The following NPAS3 variants were observed in gnomAD, a reference collection of about 807,000 sequenced individuals.
The protein encoded by NPAS3 is neuronal PAS domain-containing protein 3.
A neutral mutation model predicts 73.1 loss-of-function variants in NPAS3; 14 were observed. The ratio of observed to expected loss-of-function variants is 0.19; its 90% CI spans 0.13 to 0.30. The LOEUF (loss-of-function observed/expected upper bound fraction) is 0.30. Among genes scored for constraint, NPAS3 ranks in the 10% least tolerant of loss-of-function variants. The pLI is 1.00. For synonymous variants in NPAS3, 620 were observed against 541.5 expected (o/e 1.14, Z -2.01); for missense variants, 1,096 against 1,250.0 (o/e 0.88, Z 1.86).
chr14:33,126,202 T>C (rs757295395), intron 2 of NPAS3, among the ~76,000 whole-genome samples: 4 of 152,194 alleles, frequency 2.6e-5, no homozygotes, highest in African/African-American at 7.2e-5. Context: ...AGCTTTTCTT[T>C]TCTTTGATAT....
intron 5 of NPAS3, among the ~76,000 whole-genome samples, chr14:33,652,725 T>C (rs2059031645): frequency 6.6e-6 from 1 of 152,206 alleles, no homozygotes; most frequent in Non-Finnish European, 1.5e-5. Flanking sequence ...TTCCTAAAAC[T>C]GGAGTCCGAA....
chr14:33,749,504 T>G (rs2061898159), intron 7 of NPAS3, among the ~76,000 whole-genome samples: 1 of 152,064 alleles, frequency 6.6e-6, no homozygotes, highest in Non-Finnish European at 1.5e-5. Flanking sequence ...CAAAGAAAAA[T>G]ATAATAGGAA....
At chr14:33,250,837 A>T (rs191148516) in intron 3 of NPAS3, among the ~76,000 whole-genome samples, 8 of 152,194 alleles carry the variant, frequency 5.3e-5, no homozygotes, top group Non-Finnish European at 1.5e-5. Context: ...CCAAAAATTC[A>T]TGTGCATACT....
intron 2 of NPAS3, among the ~76,000 whole-genome samples, chr14:33,093,798 G>A (rs2042312082): frequency 6.6e-6 from 1 of 152,086 alleles, no homozygotes; most frequent in African/African-American, 2.4e-5. Flanking sequence ...TACAAAAAAG[G>A]ATGAGTTTTT....
chr14:33,441,187 TTTC>T (rs1431185586), intron 4 of NPAS3, among the ~76,000 whole-genome samples: 1 of 152,246 alleles, frequency 6.6e-6, no homozygotes, highest in Non-Finnish European at 1.5e-5. Context: ...ACACTGTTAA[TTTC>T]TTATGAGAGA....
At chr14:33,408,111 A>G (rs1304064243) in intron 4 of NPAS3, among the ~76,000 whole-genome samples, 4 of 152,168 alleles carry the variant, frequency 2.6e-5, no homozygotes, top group Non-Finnish European at 5.9e-5. Flanking sequence ...AGTTTGAAAT[A>G]AAAATGCTAA....
intron 3 of NPAS3, among the ~76,000 whole-genome samples, chr14:33,299,755 A>G (rs890188498): frequency 2.0e-5 from 3 of 152,106 alleles, no homozygotes; most frequent in Admixed American, 6.6e-5. Flanking sequence ...AGAATTCCAG[A>G]GCATTTTTTT....
At position 33,782,823 on chromosome 14, in the gene NPAS3, T is replaced by TAAAAAAAAAAAAAA. The variant is rs199704146; in HGVS notation, c.1153+4259_1153+4260insAAAAAAAAAAAAAA. On this transcript the variant is annotated intron_variant, in intron 9 of 11. Transcript: ENST00000356141. ...AACATACTTGGGGGTTGTTTTTTTT[T>TAAAAAAAAAAAAAA]AAAAAAAAGAAAAAAACAGTAGCTT... is the stretch of plus-strand genomic sequence containing the variant. Among the ~76,000 whole-genome samples, 9 of 148,592 alleles carry TAAAAAAAAAAAAAA rather than the reference T, an allele frequency of 6.1e-5. 1 individual carries two copies. Among genetic ancestry groups the TAAAAAAAAAAAAAA allele is most frequent in the Non-Finnish European group, 1.2e-4 (8 of 66,694 alleles).
At chr14:33,205,561 TA>T (rs962083560) in intron 2 of NPAS3, among the ~76,000 whole-genome samples, 4 of 152,242 alleles carry the variant, frequency 2.6e-5, no homozygotes, top group African/African-American at 9.6e-5. Flanking sequence ...CAATGTGTCT[TA>T]AAAAAACAGA....
chr14:33,060,617 C>T (rs982593659), intron 2 of NPAS3, among the ~76,000 whole-genome samples: 2 of 152,206 alleles, frequency 1.3e-5, no homozygotes, highest in Non-Finnish European at 2.9e-5. Flanking sequence ...CCATCCTTTT[C>T]CAAGCCCCTT....
At chr14:33,251,503 A>G (rs2048583581) in intron 3 of NPAS3, among the ~76,000 whole-genome samples, 1 of 152,090 alleles carries the variant, frequency 6.6e-6, no homozygotes, top group African/African-American at 2.4e-5. Flanking sequence ...AGTGAATGAA[A>G]AGGCAATTCC....
At chr14:33,385,880 G>A (rs1203837262) in intron 4 of NPAS3, among the ~76,000 whole-genome samples, 1 of 152,188 alleles carries the variant, frequency 6.6e-6, no homozygotes, top group Non-Finnish European at 1.5e-5. Flanking sequence ...TAAGACAGCT[G>A]TCAAAATCAC....
At chr14:33,473,535 A>G (rs568655158) in intron 4 of NPAS3, among the ~76,000 whole-genome samples, 45 of 152,194 alleles carry the variant, frequency 3.0e-4, no homozygotes, top group Non-Finnish European at 4.7e-4. Context: ...AGTGTCATGC[A>G]TGTAAGTACT....
At chr14:33,664,465 G>T (rs900029086) in intron 5 of NPAS3, among the ~76,000 whole-genome samples, 2 of 152,094 alleles carry the variant, frequency 1.3e-5, no homozygotes, top group African/African-American at 2.4e-5. Flanking sequence ...ATGGGCAAAG[G>T]CTTCATGACT....
intron 4 of NPAS3, among the ~76,000 whole-genome samples, chr14:33,375,233 A>T (rs796375649): frequency 1.3e-5 from 2 of 152,318 alleles, no homozygotes; most frequent in African/African-American, 4.8e-5. Flanking sequence ...AATGGTAAGA[A>T]AATGTAAAAC....
intron 2 of NPAS3, among the ~76,000 whole-genome samples, chr14:33,115,068 T>C (rs2043016338): frequency 6.6e-6 from 1 of 152,016 alleles, no homozygotes; most frequent in Non-Finnish European, 1.5e-5. Context: ...GAACAAATAA[T>C]AATTGTAACA....
At chr14:33,199,795 T>C (rs1043550215) in intron 2 of NPAS3, among the ~76,000 whole-genome samples, 2 of 151,106 alleles carry the variant, frequency 1.3e-5, no homozygotes, top group Admixed American at 1.3e-4. Flanking sequence ...TTACAGTAGG[T>C]TTAATTTCAG....
chr14:32,936,148 A>G (rs1417219744), upstream of NPAS3, among the ~76,000 whole-genome samples: 1 of 152,230 alleles, frequency 6.6e-6, no homozygotes, highest in Non-Finnish European at 1.5e-5. Context: ...TGAAAAGGTT[A>G]AGATAATCTA....
chr14:33,420,129 G>C (rs2048311516), intron 4 of NPAS3, among the ~76,000 whole-genome samples: 1 of 151,910 alleles, frequency 6.6e-6, no homozygotes, highest in South Asian at 2.1e-4. Flanking sequence ...CTAAATTTTT[G>C]TCAATAATTA....
Sources: gnomAD v4.1 joint callset for allele counts (sites outside exome capture counted in the v4.1 genomes callset) on GRCh38, gnomAD v4.1.1 for gene constraint, MANE v1.5 for transcripts, NCBI Gene and HGNC (gene_info 2026-07-23, HGNC 2026-07-21) for gene names.